CASZ1: variants seen among roughly 807,000 people sequenced by gnomAD.
CASZ1 encodes the protein zinc finger protein castor homolog 1.
CASZ1 carries 28 observed loss-of-function variants against 135.2 expected under a neutral mutation model. That is an observed-to-expected ratio of 0.21 (90% CI 0.15 to 0.28). The LOEUF (loss-of-function observed/expected upper bound fraction) is 0.28, where lower values mean the gene tolerates loss of function less well. Ranked by LOEUF, CASZ1 falls within the 10% of genes least tolerant of loss-of-function variation. CASZ1 has a pLI of 1.00. For synonymous variants in CASZ1, 1,068 were observed against 1,073.4 expected, an observed-to-expected ratio of 0.99 and a Z score of 0.10; for missense variants, 2,161 against 2,453.3, an observed-to-expected ratio of 0.88 and a Z score of 2.52.
intron 2 of CASZ1, among the ~76,000 whole-genome samples, chr1:10,722,875 G>A (rs543967710): frequency 7.7e-4 from 118 of 152,338 alleles, no homozygotes; most frequent in African/African-American, 2.5e-3. Flanking sequence ...GCCTGCCCCC[G>A]CACCCCAGAA....
intron 17 of CASZ1, 48 bp from the exon 18 acceptor site, chr1:10,645,136 G>C (rs780329056): frequency 4.9e-5 from 76 of 1,558,442 alleles, no homozygotes; most frequent in Admixed American, 5.1e-5. Context: ...ACTTTCAAGA[G>C]CTCCTGCCTG....
chr1:10,660,064 C>A lies in CASZ1; in HGVS notation c.978G>T (p.Arg326=). The A allele has an allele frequency of 1.2e-6, 2 of 1,614,172 alleles. No homozygotes were observed. Among genetic ancestry groups the A allele is most frequent in the Non-Finnish European group, 1.7e-6 (2 of 1,180,022 alleles). The part of the protein sequence containing the change: ...IQKLKTGENL[R]PQNGSTYKKP... The stretch of plus-strand genomic sequence containing the variant: ...TCTTGTAGGTGCTCCCGTTCTGGGG[C>A]CGCAGATTCTCGCCGGTCTTCAGTT... Residue 326 remains arginine, a synonymous_variant, in exon 6 of 21, where the codon CGG becomes CGT. Transcript: ENST00000377022.
intron 4 of CASZ1, among the ~76,000 whole-genome samples, chr1:10,685,949 G>A (rs1160211731): frequency 2.0e-5 from 3 of 152,232 alleles, no homozygotes; most frequent in Admixed American, 6.5e-5. Context: ...ACCAGAGGAA[G>A]GGAGCCCACA....
At chr1:10,645,501 G>A (rs1642341374) in intron 17 of CASZ1, among the ~76,000 whole-genome samples, 1 of 152,220 alleles carries the variant, frequency 6.6e-6, no homozygotes, top group Non-Finnish European at 1.5e-5. Flanking sequence ...CTGCACTCCA[G>A]CCTGGGTGAC....
At chr1:10,750,700 G>GACC (rs1242704493) in intron 2 of CASZ1, among the ~76,000 whole-genome samples, 1 of 152,098 alleles carries the variant, frequency 6.6e-6, no homozygotes, top group African/African-American at 2.4e-5. Flanking sequence ...AGGAGTTAGA[G>GACC]ACCAGCCTGG....
In CASZ1 at chr1:10,746,221, C is replaced by T. The variant is rs576111041; in HGVS notation, c.-77+14480G>A. Among the ~76,000 whole-genome samples the T allele has an allele frequency of 5.3e-5, 8 of 152,254 alleles. No homozygotes were observed. The East Asian group carries it at 1.5e-3, about 29-fold the overall frequency. On this transcript the variant is annotated intron_variant, in intron 2 of 20. Transcript: ENST00000377022. ...GACAAGGAGGCAGGATTTGGAAGAG[C>T]GGGGAGGGAAGGGCCTCATTACACT...
At chr1:10,743,666 G>C (rs1639974847) in intron 2 of CASZ1, among the ~76,000 whole-genome samples, 1 of 148,068 alleles carries the variant, frequency 6.8e-6, no homozygotes, top group African/African-American at 2.5e-5. Context: ...CTCCAAAATG[G>C]GGGGGCGGGG....
At chr1:10,795,814 C>A (rs1641056823) in intron 1 of CASZ1, among the ~76,000 whole-genome samples, 1 of 152,160 alleles carries the variant, frequency 6.6e-6, no homozygotes, top group African/African-American at 2.4e-5. Context: ...GCCGCTCCCC[C>A]CATCTAAGAA....
chr1:10,795,136 C>T (rs1274247545), intron 1 of CASZ1, among the ~76,000 whole-genome samples: 2 of 152,258 alleles, frequency 1.3e-5, no homozygotes, highest in Admixed American at 6.5e-5. Context: ...GCCCGTCCGG[C>T]TCACCCCGGG....
At chr1:10,750,247 C>T (rs903987319) in intron 2 of CASZ1, among the ~76,000 whole-genome samples, 2 of 152,140 alleles carry the variant, frequency 1.3e-5, no homozygotes, top group African/African-American at 4.8e-5. Context: ...TGGCTAGTGA[C>T]GCTGCTTTGC....
chr1:10,682,614 TCA>T (rs1638461697), intron 4 of CASZ1, among the ~76,000 whole-genome samples: 1 of 152,222 alleles, frequency 6.6e-6, no homozygotes, highest in Admixed American at 6.5e-5. Context: ...AACAGAAATG[TCA>T]CCGCTTGTCA....
rs567995758 is a variant in CASZ1 at position 10,762,368 on chromosome 1, G to A, written c.-233-1511C>T. The stretch of plus-strand genomic sequence containing the variant: ...CTGCCAGGCCCCTAATGTGAGTTTC[G>A]TGTGATTTGGGGGAAGTGGATTTCC... On this transcript the variant is annotated intron_variant, in intron 1 of 20. Coordinates refer to ENST00000377022, the MANE Select transcript of CASZ1 (RefSeq NM_001079843.3). The surrounding 1 kb of genome is among the most constrained non-coding windows in gnomAD (Gnocchi z 4.1). Among the ~76,000 whole-genome samples, 7 of 152,230 alleles carry A rather than the reference G, an allele frequency of 4.6e-5. No homozygotes were observed. Among genetic ancestry groups the A allele is most frequent in the Non-Finnish European group, 8.8e-5 (6 of 68,018 alleles).
intron 3 of CASZ1, among the ~76,000 whole-genome samples, chr1:10,702,684 G>A (rs1298104675): frequency 1.3e-5 from 2 of 152,140 alleles, no homozygotes; most frequent in Non-Finnish European, 2.9e-5. Flanking sequence ...CCAGGTTTGT[G>A]TCTGCCTCCT....
intron 4 of CASZ1, among the ~76,000 whole-genome samples, chr1:10,693,398 T>G (rs1489355649): frequency 1.3e-5 from 2 of 148,748 alleles, no homozygotes; most frequent in East Asian, 4.0e-4. Context: ...CTAACCACCT[T>G]TCCCAACAGG....
At chr1:10,763,070 G>A (rs993464058) in intron 1 of CASZ1, among the ~76,000 whole-genome samples, 2 of 152,218 alleles carry the variant, frequency 1.3e-5, no homozygotes, top group Admixed American at 6.5e-5. Flanking sequence ...CTGCCAGGGC[G>A]TGGCCTTGCT....
Position 10,646,048 on chromosome 1 carries a change from G to T in CASZ1, c.3696+80C>A, listed in dbSNP as rs1642353927. ...TGAGAAATGGAGCCTCTGCCAGGAG[G>T]TGACTGTCCTGTGCCCTGAGCTAGC... On this transcript the variant is annotated intron_variant, in intron 17 of 20. Coordinates refer to ENST00000377022, the MANE Select transcript of CASZ1 (RefSeq NM_001079843.3). This position sits in a 1 kb window ranked among gnomAD's most constrained non-coding sequence, Gnocchi z 6.4. 1.5e-6 allele frequency: 2 copies of T among 1,358,146 alleles called. No homozygotes were observed. Among genetic ancestry groups the T allele is most frequent in the South Asian group, 2.4e-5 (2 of 83,930 alleles). The allele number at this position is 1,358,146 out of a possible 1,614,324, so 84.1% of individuals were successfully genotyped here.
chr1:10,694,049 C>A lies in CASZ1; in HGVS notation c.-23-137G>T. On this transcript the variant is annotated intron_variant, in intron 3 of 20. Transcript: ENST00000377022. The surrounding 1 kb of genome is among the most constrained non-coding windows in gnomAD (Gnocchi z 6.6). ...TCCCGGGCGGGCGCCGAGGCCGCGG[C>A]GGAGAAACTTTCTCCTCCGCGCCGC... 1.4e-6 allele frequency: 1 copy of A among 722,806 alleles called. No homozygotes were observed. The highest frequency in any genetic ancestry group is 2.1e-6 in the Non-Finnish European group (1 of 472,638). 44.8% of individuals were successfully genotyped at this position (722,806 alleles called of 1,614,324 possible). A position where few individuals can be genotyped will look rare whatever the true frequency, so the allele number is the denominator to read the frequency against.
chr1:10,754,984 C>T (rs1045537258), intron 2 of CASZ1, among the ~76,000 whole-genome samples: 1 of 152,222 alleles, frequency 6.6e-6, no homozygotes, highest in Admixed American at 6.5e-5. Context: ...CCCAACCCAG[C>T]TACCATAGCA....
In CASZ1 at chr1:10,653,897, G is replaced by A. The variant is rs761119985; in HGVS notation, c.2160C>T (p.Ser720=). 6.2e-7 allele frequency: 1 copy of A among 1,613,516 alleles called. No homozygotes were observed. The highest frequency in any genetic ancestry group is 1.7e-5 in the Admixed American group (1 of 60,002). ...LGAKDTEHEE[S]SNDDLVDFSA... ...AGAAGTCAACAAGGTCGTCGTTGCTGGACTCCTCGTGCTCCGTGTCCTTGG... is the reference window on the plus strand; with the variant it reads ...AGAAGTCAACAAGGTCGTCGTTGCTAGACTCCTCGTGCTCCGTGTCCTTGG... Residue 720 remains serine (S), a synonymous_variant, in exon 11 of 21, where the codon TCC becomes TCT. Transcript: ENST00000377022.
Sources: gnomAD v4.1 joint callset for allele counts (sites outside exome capture counted in the v4.1 genomes callset) on GRCh38, gnomAD v4.1.1 for gene constraint, Gnocchi (gnomAD v3.1) non-coding constraint, MANE v1.5 for transcripts, NCBI Gene and HGNC (gene_info 2026-07-23, HGNC 2026-07-21) for gene names.